PTK2: variants seen among roughly 807,000 people sequenced by gnomAD.
PTK2 encodes the protein focal adhesion kinase 1.
Under a neutral mutation model 150.1 loss-of-function variants are expected in PTK2, and 45 were observed. That is an observed-to-expected ratio of 0.30 (90% CI 0.24 to 0.38). PTK2 has a LOEUF of 0.38. Ranked by LOEUF, PTK2 falls within the 10% of genes least tolerant of loss-of-function variation. PTK2 has a pLI of 1.00. For synonymous variants in PTK2, 432 were observed against 449.2 expected (o/e 0.96, Z 0.48); for missense variants, 919 against 1,307.3 (o/e 0.70, Z 4.58).
chr8:140,953,688 C>G (rs1223442162), intron 1 of PTK2, among the ~76,000 whole-genome samples: 1 of 152,166 alleles, frequency 6.6e-6, no homozygotes, highest in East Asian at 1.9e-4. Flanking sequence ...CTACAAAAAG[C>G]AAAACCACAG....
chr8:140,976,700 T>C (rs1387791844), intron 1 of PTK2, among the ~76,000 whole-genome samples: 2 of 152,200 alleles, frequency 1.3e-5, no homozygotes, highest in South Asian at 2.1e-4. Flanking sequence ...ACAACACAAG[T>C]GTTTCCAGAG....
intron 3 of PTK2, among the ~76,000 whole-genome samples, chr8:140,879,901 CCTTT>C (rs1196774029): frequency 6.6e-6 from 1 of 152,024 alleles, no homozygotes; most frequent in African/African-American, 2.4e-5. Flanking sequence ...GAGATTCTCT[CCTTT>C]CTTTATTAAC....
chr8:140,912,823 G>T (rs912140743), intron 2 of PTK2, among the ~76,000 whole-genome samples: 1 of 151,988 alleles, frequency 6.6e-6, no homozygotes, highest in Non-Finnish European at 1.5e-5. Context: ...GACGAGCTTG[G>T]TAGTCCCAGT....
intron 23 of PTK2, among the ~76,000 whole-genome samples, chr8:140,715,565 C>A (rs1370631860): frequency 6.6e-6 from 1 of 152,012 alleles, no homozygotes; most frequent in Non-Finnish European, 1.5e-5. Context: ...CTGTCTCTGC[C>A]ACAACTGCTC....
At chr8:140,897,530 A>G (rs1408767342) in intron 2 of PTK2, among the ~76,000 whole-genome samples, 2 of 152,156 alleles carry the variant, frequency 1.3e-5, no homozygotes, top group Non-Finnish European at 2.9e-5. Flanking sequence ...TAACCTCCCA[A>G]GTACCCTGTT....
At chr8:140,746,023 A>G (rs909766236) in intron 18 of PTK2, among the ~76,000 whole-genome samples, 6 of 151,978 alleles carry the variant, frequency 3.9e-5, no homozygotes, top group Non-Finnish European at 8.8e-5. Flanking sequence ...AGAAAAAAGA[A>G]AAAAGAAACT....
intron 12 of PTK2, 32 bp downstream of exon 12, chr8:140,800,427 G>A (rs771832532): frequency 1.0e-5 from 16 of 1,535,282 alleles, no homozygotes; most frequent in African/African-American, 2.7e-5. Flanking sequence ...TGGTAGAAGC[G>A]CAATTGGGAA....
intron 26 of PTK2, chr8:140,686,955 C>T (rs929094648): frequency 4.5e-6 from 2 of 449,154 alleles, no homozygotes; most frequent in Non-Finnish European, 8.0e-6. Context: ...CTGCACTTTA[C>T]CTCTATTCCA....
intron 27 of PTK2, among the ~76,000 whole-genome samples, chr8:140,681,347 C>CA (rs2100016787): frequency 6.8e-6 from 1 of 146,910 alleles, no homozygotes; most frequent in African/African-American, 2.6e-5. Context: ...CGCGAGACTC[C>CA]GTCTCAAAAA....
chr8:140,981,908 A>G (rs1438101051), intron 1 of PTK2, among the ~76,000 whole-genome samples: 16 of 152,162 alleles, frequency 1.1e-4, no homozygotes, highest in Admixed American at 1.0e-3. Flanking sequence ...AGGTTCTCAG[A>G]GCTCAGAGCA....
upstream of PTK2, chr8:141,001,439 A>C (rs1226333611): frequency 1.3e-5 from 2 of 151,418 alleles, no homozygotes; most frequent in Admixed American, 1.3e-4. Context: ...GCGCGCCGCT[A>C]GGCTCTGCTC....
chr8:140,851,989 GCACA>G (rs1416792099), intron 5 of PTK2, among the ~76,000 whole-genome samples: 1 of 152,076 alleles, frequency 6.6e-6, no homozygotes, highest in African/African-American at 2.4e-5. Flanking sequence ...ACATGTGTGT[GCACA>G]CACACAATCT....
chr8:140,896,602 A>C (rs1051954871), intron 2 of PTK2, among the ~76,000 whole-genome samples: 2 of 152,222 alleles, frequency 1.3e-5, no homozygotes, highest in African/African-American at 4.8e-5. Context: ...GCAAACTAGA[A>C]ATAGGATGAG....
At chr8:140,827,628 C>G (rs2100112624) in intron 8 of PTK2, among the ~76,000 whole-genome samples, 1 of 152,146 alleles carries the variant, frequency 6.6e-6, no homozygotes, top group Non-Finnish European at 1.5e-5. Flanking sequence ...CTTCTAAAGT[C>G]TTATCCTGTC....
At chr8:140,659,719 ATTTT>A (rs3835176) in intron 31 of PTK2, 41 bp from the exon 36 acceptor site, 4 of 1,339,698 alleles carry the variant, frequency 3.0e-6, no homozygotes, top group Non-Finnish European at 4.1e-6. Context: ...GTTTTCAGTG[ATTTT>A]TTTTTTTCTT....
intron 4 of PTK2, among the ~76,000 whole-genome samples, chr8:140,878,304 A>C (rs185832833): frequency 2.6e-5 from 4 of 152,116 alleles, no homozygotes; most frequent in African/African-American, 9.7e-5. Flanking sequence ...TTTATTCAAC[A>C]TAAGATTTAT....
At chr8:140,920,324 AAAG>A (rs2100166946) in intron 2 of PTK2, among the ~76,000 whole-genome samples, 1 of 152,154 alleles carries the variant, frequency 6.6e-6, no homozygotes, top group South Asian at 2.1e-4. Context: ...TAACAACATT[AAAG>A]AAGAAAATTG....
intron 4 of PTK2, among the ~76,000 whole-genome samples, chr8:140,873,667 C>T (rs143894869): frequency 2.6e-5 from 4 of 152,106 alleles, no homozygotes; most frequent in African/African-American, 4.8e-5. Flanking sequence ...GGTTTCACCA[C>T]GTTAGTCAGG....
In PTK2 at chr8:140,950,916, C is replaced by T. The variant is rs1379095407; in HGVS notation, c.-121-25167G>A. Among the ~76,000 whole-genome samples, 5 of 152,096 alleles carry T rather than the reference C, an allele frequency of 3.3e-5. No individual in the cohort carries two copies. In the East Asian group the frequency reaches 7.7e-4, roughly 23 times the overall value. ...ATCTTGGGGGAATCCTGGAACCAATCCCCCACAGATATGGAGGGATCACTA... is the reference window on the plus strand; with the variant it reads ...ATCTTGGGGGAATCCTGGAACCAATTCCCCACAGATATGGAGGGATCACTA... On this transcript the variant is annotated intron_variant, in intron 1 of 31. Transcript: ENST00000522684.
Sources: gnomAD v4.1 joint callset for allele counts (sites outside exome capture counted in the v4.1 genomes callset) on GRCh38, gnomAD v4.1.1 for gene constraint, MANE v1.5 for transcripts, NCBI Gene and HGNC (gene_info 2026-07-23, HGNC 2026-07-21) for gene names.